CHRM3: variants seen among roughly 807,000 people sequenced by gnomAD.
CHRM3 encodes the protein cholinergic receptor muscarinic 3.
In CHRM3, 11 loss-of-function variants were observed where a neutral mutation model predicts 41.8. That is an observed-to-expected ratio of 0.26 (90% confidence interval 0.17 to 0.44). CHRM3 has a LOEUF of 0.44. CHRM3 is among the 20% of genes least tolerant of loss of function. The pLI is 1.00. For missense variants in CHRM3, 571 were observed against 745.4 expected, an observed-to-expected ratio of 0.77 and a Z score of 2.72; for synonymous variants, 297 against 301.4, an observed-to-expected ratio of 0.99 and a Z score of 0.15.
At chr1:239,779,880 C>T (rs1373605413) in intron 5 of CHRM3, among the ~76,000 whole-genome samples, 1 of 152,218 alleles carries the variant, frequency 6.6e-6, no homozygotes, top group Non-Finnish European at 1.5e-5. Context: ...TACTTGTAAT[C>T]ATGTAGTATG....
At chr1:239,460,652 A>ATAAAGTACAACACGGTAAGAT (rs1665289539) in intron 1 of CHRM3, among the ~76,000 whole-genome samples, 1 of 152,210 alleles carries the variant, frequency 6.6e-6, no homozygotes, top group Non-Finnish European at 1.5e-5. Flanking sequence ...TCAAAATGAC[A>ATAAAGTACAACACGGTAAGAT]TAAAGTACAA....
chr1:239,576,751 C>A (rs1662401039), intron 3 of CHRM3, among the ~76,000 whole-genome samples: 1 of 151,310 alleles, frequency 6.6e-6, no homozygotes, highest in South Asian at 2.1e-4. Flanking sequence ...GATTGTGCCA[C>A]TGCGCTGCAG....
chr1:239,887,313 T>C (rs498174), intron 6 of CHRM3, among the ~76,000 whole-genome samples: 74,613 of 151,878 alleles, frequency 0.49, 20,244 homozygotes, highest in East Asian at 0.64. Context: ...GCGATTCTCC[T>C]GCCTCACCCT....
At chr1:239,663,148 G>T (rs937052529) in intron 4 of CHRM3, among the ~76,000 whole-genome samples, 1 of 151,954 alleles carries the variant, frequency 6.6e-6, no homozygotes, top group African/African-American at 2.4e-5. Flanking sequence ...GGGCTGAGGA[G>T]GTGCCTCTGT....
intron 2 of CHRM3, among the ~76,000 whole-genome samples, chr1:239,506,140 A>T (rs1371607398): frequency 6.6e-6 from 1 of 152,186 alleles, no homozygotes; most frequent in Non-Finnish European, 1.5e-5. Flanking sequence ...ATAGAAAAAA[A>T]ATCTCATTTT....
At chr1:239,634,419 AAAG>A (rs1351847597) in intron 4 of CHRM3, among the ~76,000 whole-genome samples, 1 of 138,104 alleles carries the variant, frequency 7.2e-6, no homozygotes, top group Non-Finnish European at 1.6e-5. Flanking sequence ...AGAAAGAAGA[AAAG>A]AAAAGAGAAA....
At chr1:239,642,258 C>T (rs61834780) in intron 4 of CHRM3, among the ~76,000 whole-genome samples, 49,265 of 147,100 alleles carry the variant, frequency 0.33, 8,519 homozygotes, top group African/African-American at 0.4. Flanking sequence ...AGTTGCTCTT[C>T]TCGAGGAGTA....
chr1:239,517,562 A>G (rs1261510565), intron 2 of CHRM3, among the ~76,000 whole-genome samples: 2 of 152,230 alleles, frequency 1.3e-5, no homozygotes, highest in Admixed American at 1.3e-4. Context: ...AGTGAAGCAT[A>G]TATAATACAT....
At chr1:239,457,162 C>T (rs749433539) in intron 1 of CHRM3, among the ~76,000 whole-genome samples, 1 of 152,116 alleles carries the variant, frequency 6.6e-6, no homozygotes. Context: ...CCCTATTGGC[C>T]CCTTTCTTTG....
intron 6 of CHRM3, among the ~76,000 whole-genome samples, chr1:239,828,207 CACAT>C (rs941148926): frequency 7.9e-5 from 12 of 152,058 alleles, no homozygotes; most frequent in South Asian, 4.2e-4. Flanking sequence ...TAGATATAGA[CACAT>C]ACATACATAC....
chr1:239,811,496 C>T (rs111665516), intron 5 of CHRM3, among the ~76,000 whole-genome samples: 5 of 152,370 alleles, frequency 3.3e-5, no homozygotes, highest in African/African-American at 1.2e-4. Context: ...GATCTGCTGT[C>T]AGCCTCCTCT....
intron 5 of CHRM3, among the ~76,000 whole-genome samples, chr1:239,701,780 C>T (rs1170567215): frequency 1.6e-4 from 24 of 152,284 alleles, no homozygotes; most frequent in Non-Finnish European, 8.8e-5. Flanking sequence ...GCAGCCTGGA[C>T]TCCGATCGCC....
chr1:239,529,139 C>A (rs910274305), intron 2 of CHRM3, among the ~76,000 whole-genome samples: 3 of 152,058 alleles, frequency 2.0e-5, no homozygotes, highest in African/African-American at 7.2e-5. Flanking sequence ...TTTAAAAAAT[C>A]TTTACCAAAG....
intron 2 of CHRM3, among the ~76,000 whole-genome samples, chr1:239,501,028 A>G (rs759432580): frequency 2.0e-4 from 30 of 152,250 alleles, no homozygotes; most frequent in Non-Finnish European, 4.0e-4. Flanking sequence ...AAAAGAGACA[A>G]AGAGGTACAT....
At chr1:239,894,901 G>GT (rs1027358652) in intron 6 of CHRM3, among the ~76,000 whole-genome samples, 17 of 152,294 alleles carry the variant, frequency 1.1e-4, no homozygotes, top group African/African-American at 4.1e-4. Flanking sequence ...CGGCTCATAA[G>GT]TGAGGAGCCA....
chr1:239,590,119 C>G (rs1256554589), intron 3 of CHRM3, among the ~76,000 whole-genome samples: 1 of 152,138 alleles, frequency 6.6e-6, no homozygotes, highest in Non-Finnish European at 1.5e-5. Context: ...CATAGATCAT[C>G]TAGTCTGTCT....
chr1:239,572,780 T>C (rs1173092534), intron 3 of CHRM3, among the ~76,000 whole-genome samples: 1 of 152,170 alleles, frequency 6.6e-6, no homozygotes, highest in African/African-American at 2.4e-5. Flanking sequence ...ATATGAAACA[T>C]ATTTCATTTA....
At chr1:239,550,655 C>T (rs917870537) in intron 3 of CHRM3, among the ~76,000 whole-genome samples, 9 of 152,070 alleles carry the variant, frequency 5.9e-5, no homozygotes, top group Middle Eastern at 3.4e-3. Context: ...TTTAACTTAC[C>T]GTGATGTTTA....
At chr1:239,606,087 GT>G (rs1366105944) in intron 3 of CHRM3, 1 of 152,122 alleles carries the variant, frequency 6.6e-6, no homozygotes, top group Admixed American at 6.5e-5. Flanking sequence ...GAGTCCAGCT[GT>G]TTGTTCGTTA....
Sources: allele counts gnomAD v4.1 joint callset (sites outside exome capture counted in the v4.1 genomes callset), GRCh38; gene constraint gnomAD v4.1.1; transcripts MANE v1.5; gene names NCBI Gene and HGNC (gene_info 2026-07-23, HGNC 2026-07-21).